The following RAB11FIP4 variants were observed in gnomAD, a reference collection of about 807,000 sequenced individuals.
RAB11FIP4 encodes the protein rab11 family-interacting protein 4.
A neutral mutation model predicts 74.3 loss-of-function variants in RAB11FIP4; 23 were observed. The observed-to-expected ratio is 0.31, with a 90% CI of 0.22 to 0.44. RAB11FIP4 has a LOEUF of 0.44. RAB11FIP4 is among the 20% of genes least tolerant of loss of function. RAB11FIP4 has a pLI of 1.00. For missense variants in RAB11FIP4, 630 were observed against 863.9 expected, an observed-to-expected ratio of 0.73 and a Z score of 3.39; for synonymous variants, 360 against 359.9, an observed-to-expected ratio of 1.00 and a Z score of 0.00.
chr17:31,499,177 C>A (rs1190862107), intron 3 of RAB11FIP4, among the ~76,000 whole-genome samples: 1 of 152,236 alleles, frequency 6.6e-6, no homozygotes, highest in South Asian at 2.1e-4. Flanking sequence ...TTTGGGAAAT[C>A]TTTTCTGAGA....
At chr17:31,445,241 A>G (rs541482265) in intron 3 of RAB11FIP4, among the ~76,000 whole-genome samples, 2 of 152,278 alleles carry the variant, frequency 1.3e-5, no homozygotes, top group African/African-American at 4.8e-5. Context: ...AGAAAAGAGC[A>G]GAACAATGAA....
intron 1 of RAB11FIP4, among the ~76,000 whole-genome samples, chr17:31,408,050 A>C (rs2071058799): frequency 6.6e-6 from 1 of 151,864 alleles, no homozygotes; most frequent in African/African-American, 2.4e-5. Flanking sequence ...TCTGAGTATC[A>C]CTATGAACTT....
chr17:31,392,033 C>A (rs2070876674), intron 1 of RAB11FIP4, 22 bp downstream of exon 1: 5 of 1,269,504 alleles, frequency 3.9e-6, no homozygotes, highest in Non-Finnish European at 5.0e-6. Flanking sequence ...CGACCCCAGT[C>A]CCGGCCCGGG....
At chr17:31,527,391 GGAGTTT>G (rs1176422975) in intron 10 of RAB11FIP4, 4 of 155,846 alleles carry the variant, frequency 2.6e-5, no homozygotes, top group African/African-American at 9.6e-5. Context: ...CATGAGGCCA[GGAGTTT>G]TTGAGACCAG....
chr17:31,398,672 C>T lies in RAB11FIP4; in HGVS notation c.159+6661C>T, dbSNP rs147553501. Among the ~76,000 whole-genome samples the T allele has an allele frequency of 5.9e-5, 9 of 152,290 alleles. No individual in the cohort carries two copies. The East Asian group carries it at 1.4e-3, about 23-fold the overall frequency. ...CGTTCCCCCTTGTACAGGTGGGTCA[C>T]GAGGCTGGACAGGCAGCGTGGCTTT... is the stretch of plus-strand genomic sequence containing the variant. On this transcript the variant is annotated intron_variant, in intron 1 of 14. Coordinates refer to ENST00000621161, the MANE Select transcript of RAB11FIP4 (RefSeq NM_032932.6).
At chr17:31,398,648 G>GT (rs1334514839) in intron 1 of RAB11FIP4, among the ~76,000 whole-genome samples, 1 of 152,248 alleles carries the variant, frequency 6.6e-6, no homozygotes, top group Non-Finnish European at 1.5e-5. Flanking sequence ...GAAGTGTGAC[G>GT]TTCCCCCTTG....
At chr17:31,467,265 C>G (rs1485704137) in intron 3 of RAB11FIP4, among the ~76,000 whole-genome samples, 3 of 152,086 alleles carry the variant, frequency 2.0e-5, no homozygotes, top group Non-Finnish European at 4.4e-5. Flanking sequence ...GCGCATGCCA[C>G]CACACCCAGC....
chr17:31,435,217 T>A (rs1369371441), intron 3 of RAB11FIP4, among the ~76,000 whole-genome samples: 4 of 152,024 alleles, frequency 2.6e-5, no homozygotes, highest in Non-Finnish European at 5.9e-5. Context: ...TACAACCCAG[T>A]CTCCAGCCCC....
At chr17:31,480,359 C>T (rs2071834286) in intron 3 of RAB11FIP4, among the ~76,000 whole-genome samples, 1 of 152,082 alleles carries the variant, frequency 6.6e-6, no homozygotes, top group Admixed American at 6.5e-5. Context: ...AGCAGGGAGG[C>T]AGCAGGTAGG....
intron 3 of RAB11FIP4, chr17:31,488,327 C>T: frequency 9.0e-7 from 1 of 1,106,558 alleles, no homozygotes; most frequent in Non-Finnish European, 1.1e-6. Context: ...GCGCACCTGG[C>T]TCGGCCCGGC....
At chr17:31,445,641 A>G (rs2071456833) in intron 3 of RAB11FIP4, among the ~76,000 whole-genome samples, 1 of 135,790 alleles carries the variant, frequency 7.4e-6, no homozygotes, top group African/African-American at 2.8e-5. Flanking sequence ...GCTGGAGTGC[A>G]ATGGCGTGAT....
At chr17:31,510,147 C>T (rs2072425308) in intron 3 of RAB11FIP4, among the ~76,000 whole-genome samples, 1 of 152,204 alleles carries the variant, frequency 6.6e-6, no homozygotes, top group African/African-American at 2.4e-5. Flanking sequence ...AATCACATCC[C>T]TTCCCTGTGG....
intron 1 of RAB11FIP4, among the ~76,000 whole-genome samples, chr17:31,399,537 AC>A (rs1392555215): frequency 3.3e-5 from 5 of 150,386 alleles, no homozygotes; most frequent in Middle Eastern, 3.5e-3. Context: ...ACATGGTGAA[AC>A]CCTGTCTCTA....
chr17:31,404,165 A>G (rs2071021758), intron 1 of RAB11FIP4, among the ~76,000 whole-genome samples: 2 of 152,140 alleles, frequency 1.3e-5, no homozygotes, highest in Non-Finnish European at 2.9e-5. Flanking sequence ...TGTGGGGCTG[A>G]GTCTTCTTTG....
At position 31,398,278 on chromosome 17, in the gene RAB11FIP4, T is replaced by C. The variant is rs536829749; in HGVS notation, c.159+6267T>C. 2.6e-5 allele frequency among the ~76,000 whole-genome samples: 4 copies of C among 152,314 alleles called. No individual in the cohort carries two copies. In the South Asian group the frequency reaches 8.3e-4, roughly 32 times the overall value. On this transcript the variant is annotated intron_variant, in intron 1 of 14. Transcript: ENST00000621161. ...TGGTCTTTTAACTCCTGACCTCTGG[T>C]GATCCACTGCCTGAGCCTCCCAAGG...
chr17:31,440,274 A>G (rs1471918415), intron 3 of RAB11FIP4, among the ~76,000 whole-genome samples: 2 of 152,198 alleles, frequency 1.3e-5, no homozygotes, highest in Non-Finnish European at 2.9e-5. Flanking sequence ...AATGTTGAAT[A>G]GTCCCTCTTT....
rs548871319 is a variant in RAB11FIP4 at position 31,394,659 on chromosome 17, A to G, written c.159+2648A>G. Reference sequence around the variant, plus strand: ...TTTCATCACATTGTATCTGTCAAGAAAGAGAATCTAGCATCCTACCTCTAT... The same window carrying G: ...TTTCATCACATTGTATCTGTCAAGAGAGAGAATCTAGCATCCTACCTCTAT... On this transcript the variant is annotated intron_variant, in intron 1 of 14. Coordinates refer to ENST00000621161, the MANE Select transcript of RAB11FIP4 (RefSeq NM_032932.6). 3.3e-4 allele frequency among the ~76,000 whole-genome samples: 50 copies of G among 152,284 alleles called. No homozygotes were observed. The South Asian group carries it at 8.9e-3, about 27-fold the overall frequency.
intron 1 of RAB11FIP4, among the ~76,000 whole-genome samples, chr17:31,420,744 T>C (rs2071191231): frequency 6.6e-6 from 1 of 152,172 alleles, no homozygotes; most frequent in Non-Finnish European, 1.5e-5. Flanking sequence ...AATTTTATGG[T>C]ATTGTATTTT....
At chr17:31,450,748 GT>G (rs2071518924) in intron 3 of RAB11FIP4, among the ~76,000 whole-genome samples, 1 of 149,124 alleles carries the variant, frequency 6.7e-6, no homozygotes, top group African/African-American at 2.6e-5. Context: ...TCCCAAGATA[GT>G]ATTTTCCCCT....
Sources: gnomAD v4.1 joint callset for allele counts (sites outside exome capture counted in the v4.1 genomes callset) on GRCh38, gnomAD v4.1.1 for gene constraint, MANE v1.5 for transcripts, NCBI Gene and HGNC (gene_info 2026-07-23, HGNC 2026-07-21) for gene names.